AK5: variants seen among roughly 807,000 people sequenced by gnomAD.
AK5 encodes adenylate kinase 5.
Under a neutral mutation model 69.5 loss-of-function variants are expected in AK5, and 27 were observed. That is an observed-to-expected ratio of 0.39 (90% CI 0.29 to 0.54). The LOEUF is 0.54. AK5 is among the 20% of genes least tolerant of loss of function. The pLI is 0.71. For missense variants in AK5, 531 were observed against 700.4 expected (o/e 0.76, Z 2.73); for synonymous variants, 260 against 244.4 (o/e 1.06, Z -0.60).
intron 5 of AK5, among the ~76,000 whole-genome samples, chr1:77,333,082 A>G (rs1661171283): frequency 6.6e-6 from 1 of 151,954 alleles, no homozygotes; most frequent in Admixed American, 6.6e-5. Flanking sequence ...TTTTCTCCCT[A>G]CAGTCTACTG....
At chr1:77,504,441 A>T (rs201204518) in intron 10 of AK5, among the ~76,000 whole-genome samples, 2,794 of 150,338 alleles carry the variant, frequency 0.019, 115 homozygotes, top group East Asian at 0.19. Context: ...GTATATATAT[A>T]TTTTTTTTAA....
Position 77,417,506 on chromosome 1 carries a change from G to A in AK5, c.983-133G>A, listed in dbSNP as rs1570534395. On this transcript the variant is annotated intron_variant, in intron 7 of 13. Transcript: ENST00000354567. ...CTCCAGCAAAACATTGTACCTGGCA[G>A]ATGAGAACAGTCTAGAAATGTTTGT... 118 of 640,752 alleles carry A rather than the reference G, an allele frequency of 1.8e-4. No homozygotes were observed. In the East Asian group the frequency reaches 3.4e-3, roughly 19 times the overall value. The allele number at this position is 640,752 out of a possible 1,614,324, so 39.7% of individuals were successfully genotyped here.
chr1:77,287,319 T>C (rs1202421615), intron 2 of AK5, among the ~76,000 whole-genome samples, 192 bp downstream of exon 2: 1 of 152,216 alleles, frequency 6.6e-6, no homozygotes, highest in Non-Finnish European at 1.5e-5. Flanking sequence ...TATCTACCAT[T>C]GTCCAACAAT....
intron 12 of AK5, among the ~76,000 whole-genome samples, chr1:77,532,563 A>C (rs900344878): frequency 2.5e-4 from 38 of 152,240 alleles, no homozygotes; most frequent in Admixed American, 7.2e-4. Context: ...GAGGGCCTCC[A>C]TTTCCTCATC....
At chr1:77,328,655 A>G (rs1328340316) in intron 5 of AK5, among the ~76,000 whole-genome samples, 1 of 152,216 alleles carries the variant, frequency 6.6e-6, no homozygotes, top group Admixed American at 6.5e-5. Flanking sequence ...TTAATGATAT[A>G]TTTTTGAATC....
chr1:77,416,435 C>T (rs1650433082), intron 7 of AK5, among the ~76,000 whole-genome samples: 1 of 152,130 alleles, frequency 6.6e-6, no homozygotes, highest in African/African-American at 2.4e-5. Flanking sequence ...GATTACTTTT[C>T]CAAAATGGTT....
chr1:77,324,118 G>A (rs926120141), intron 5 of AK5, among the ~76,000 whole-genome samples: 2 of 152,160 alleles, frequency 1.3e-5, no homozygotes, highest in African/African-American at 2.4e-5. Context: ...GCCTTGTAGA[G>A]CCTTGGCAAT....
chr1:77,438,997 C>T (rs1652139801), intron 8 of AK5, among the ~76,000 whole-genome samples: 1 of 152,036 alleles, frequency 6.6e-6, no homozygotes, highest in Non-Finnish European at 1.5e-5. Context: ...AGAAATTCTC[C>T]AGGACCAAAA....
chr1:77,416,769 C>T (rs1650455792), intron 7 of AK5, among the ~76,000 whole-genome samples: 1 of 152,168 alleles, frequency 6.6e-6, no homozygotes, highest in Non-Finnish European at 1.5e-5. Context: ...ATGCATTACT[C>T]ATTGGATATT....
At chr1:77,352,224 G>A (rs556428230) in intron 6 of AK5, among the ~76,000 whole-genome samples, 45 of 152,238 alleles carry the variant, frequency 3.0e-4, no homozygotes, top group African/African-American at 9.9e-4. Flanking sequence ...CACCATGCCC[G>A]GCCCATTTGC....
At chr1:77,487,879 C>T (rs999206939) in intron 10 of AK5, among the ~76,000 whole-genome samples, 1 of 152,200 alleles carries the variant, frequency 6.6e-6, no homozygotes, top group Non-Finnish European at 1.5e-5. Flanking sequence ...TGAGGAGTCA[C>T]AGAGCTGCCA....
At chr1:77,355,669 T>G (rs546371629) in intron 6 of AK5, among the ~76,000 whole-genome samples, 1 of 152,240 alleles carries the variant, frequency 6.6e-6, no homozygotes, top group South Asian at 2.1e-4. Context: ...TAATTCTACT[T>G]CTTTATGATT....
At chr1:77,361,167 C>T (rs1646855681) in intron 6 of AK5, among the ~76,000 whole-genome samples, 1 of 152,166 alleles carries the variant, frequency 6.6e-6, no homozygotes, top group Non-Finnish European at 1.5e-5. Context: ...ATTATTTCAC[C>T]TATTTTCCCT....
At chr1:77,468,484 C>A (rs1295968142) in intron 8 of AK5, among the ~76,000 whole-genome samples, 2 of 152,200 alleles carry the variant, frequency 1.3e-5, no homozygotes, top group African/African-American at 4.8e-5. Flanking sequence ...GGCTTCAGGC[C>A]CCAGGAAAGG....
chr1:77,385,051 G>A (rs1647909857), intron 6 of AK5, among the ~76,000 whole-genome samples: 1 of 152,176 alleles, frequency 6.6e-6, no homozygotes, highest in Non-Finnish European at 1.5e-5. Flanking sequence ...TATTAAGTGG[G>A]TGAGATGCTC....
At chr1:77,503,226 A>G (rs1015059209) in intron 10 of AK5, among the ~76,000 whole-genome samples, 4 of 152,226 alleles carry the variant, frequency 2.6e-5, no homozygotes, top group Non-Finnish European at 5.9e-5. Context: ...TCAGTTTCAC[A>G]TGCCAGGCCT....
At chr1:77,503,282 C>T (rs1035955610) in intron 10 of AK5, among the ~76,000 whole-genome samples, 14 of 152,038 alleles carry the variant, frequency 9.2e-5, no homozygotes, top group African/African-American at 3.4e-4. Context: ...TAAGAAGATA[C>T]GGGAATGTAC....
At chr1:77,500,286 A>G (rs1249970557) in intron 10 of AK5, among the ~76,000 whole-genome samples, 1 of 152,182 alleles carries the variant, frequency 6.6e-6, no homozygotes, top group Non-Finnish European at 1.5e-5. Flanking sequence ...CTTTTGGTAA[A>G]TTTGGCTTAG....
chr1:77,365,313 G>A (rs2100448540), intron 6 of AK5, among the ~76,000 whole-genome samples: 1 of 152,194 alleles, frequency 6.6e-6, no homozygotes, highest in South Asian at 2.1e-4. Flanking sequence ...CATTCTGTAG[G>A]TTGTCTTTTT....
Sources: gnomAD v4.1 joint callset for allele counts (sites outside exome capture counted in the v4.1 genomes callset) on GRCh38, gnomAD v4.1.1 for gene constraint, MANE v1.5 for transcripts, NCBI Gene and HGNC (gene_info 2026-07-23, HGNC 2026-07-21) for gene names.